MAN1A2: variants seen among roughly 807,000 people sequenced by gnomAD.
MAN1A2 encodes mannosyl-oligosaccharide 1,2-alpha-mannosidase IB.
In MAN1A2, 26 loss-of-function variants were observed where a neutral mutation model predicts 75.7. The ratio of observed to expected loss-of-function variants is 0.34; its 90% confidence interval spans 0.25 to 0.48. The LOEUF is 0.48. Ranked by LOEUF, MAN1A2 falls within the 20% of genes least tolerant of loss-of-function variation. The pLI, the probability that MAN1A2 is intolerant of heterozygous loss-of-function variation, is 0.99. For missense variants in MAN1A2, 562 were observed against 775.5 expected (o/e 0.72, Z 3.27); for synonymous variants, 247 against 264.6 (o/e 0.93, Z 0.65).
chr1:117,485,005 C>T (rs1360724104), intron 8 of MAN1A2, among the ~76,000 whole-genome samples: 2 of 151,866 alleles, frequency 1.3e-5, no homozygotes, highest in Non-Finnish European at 2.9e-5. Flanking sequence ...CCACGCAGTT[C>T]AAATCTGTGT....
intron 1 of MAN1A2, among the ~76,000 whole-genome samples, chr1:117,383,127 C>T (rs998237328): frequency 6.6e-6 from 1 of 152,182 alleles, no homozygotes; most frequent in Non-Finnish European, 1.5e-5. Context: ...AGGGGCAAAG[C>T]TTTCAGTCTT....
chr1:117,370,111 A>G (rs757618872), intron 1 of MAN1A2, among the ~76,000 whole-genome samples: 16 of 152,246 alleles, frequency 1.1e-4, no homozygotes, highest in Non-Finnish European at 1.9e-4. Flanking sequence ...TGTGCCTTTT[A>G]TTCACATTTT....
At chr1:117,398,566 T>C (rs984089598) in intron 1 of MAN1A2, among the ~76,000 whole-genome samples, 4 of 151,446 alleles carry the variant, frequency 2.6e-5, no homozygotes, top group Admixed American at 6.6e-5. Flanking sequence ...CCCAGCTTGT[T>C]GGGAGGCTGA....
intron 8 of MAN1A2, among the ~76,000 whole-genome samples, chr1:117,483,566 T>C (rs1029824876): frequency 6.6e-6 from 1 of 152,160 alleles, no homozygotes; most frequent in Non-Finnish European, 1.5e-5. Context: ...ACAGAAATGC[T>C]TGTGGTTTTT....
chr1:117,517,888 G>GA (rs1197290075), intron 12 of MAN1A2, among the ~76,000 whole-genome samples: 2 of 151,440 alleles, frequency 1.3e-5, no homozygotes, highest in African/African-American at 2.4e-5. Context: ...CAGGGGTAAA[G>GA]AAAAAAATCT....
intron 8 of MAN1A2, among the ~76,000 whole-genome samples, chr1:117,473,341 G>A (rs1650221040): frequency 6.6e-6 from 1 of 151,882 alleles, no homozygotes; most frequent in Non-Finnish European, 1.5e-5. Flanking sequence ...ACTACCCTGA[G>A]CCAAGTCACC....
chr1:117,488,306 A>G (rs1650777476), intron 8 of MAN1A2, among the ~76,000 whole-genome samples: 1 of 150,704 alleles, frequency 6.6e-6, no homozygotes, highest in South Asian at 2.1e-4. Flanking sequence ...AGGTATTCTC[A>G]TGCCTCAGCC....
chr1:117,490,882 C>A (rs1386338491), intron 8 of MAN1A2, among the ~76,000 whole-genome samples: 2 of 152,060 alleles, frequency 1.3e-5, no homozygotes, highest in Non-Finnish European at 2.9e-5. Flanking sequence ...TCAGACCAAA[C>A]CAGCTACAAC....
intron 12 of MAN1A2, among the ~76,000 whole-genome samples, chr1:117,510,724 T>A (rs567455123): frequency 6.6e-6 from 1 of 152,216 alleles, no homozygotes; most frequent in East Asian, 1.9e-4. Context: ...TGTTGTTAAG[T>A]GCCTGATGTG....
At chr1:117,391,931 T>C (rs1324084071) in intron 1 of MAN1A2, among the ~76,000 whole-genome samples, 3 of 152,186 alleles carry the variant, frequency 2.0e-5, no homozygotes, top group Non-Finnish European at 4.4e-5. Context: ...TTGCCTAAAT[T>C]TCTAGCTTTC....
intron 8 of MAN1A2, among the ~76,000 whole-genome samples, chr1:117,467,333 GA>G (rs954971660): frequency 1.3e-5 from 2 of 152,066 alleles, no homozygotes; most frequent in African/African-American, 4.8e-5. Flanking sequence ...TTTTAGTATT[GA>G]AAACACTGCT....
chr1:117,491,643 T>G (rs952927939), intron 8 of MAN1A2, among the ~76,000 whole-genome samples: 3 of 152,110 alleles, frequency 2.0e-5, no homozygotes, highest in African/African-American at 7.2e-5. Flanking sequence ...GATTGCATTT[T>G]GTAAGGCTAT....
At chr1:117,509,462 A>G (rs1217062148) in intron 12 of MAN1A2, among the ~76,000 whole-genome samples, 1 of 151,934 alleles carries the variant, frequency 6.6e-6, no homozygotes, top group African/African-American at 2.4e-5. Flanking sequence ...CGTTGTTGTT[A>G]AGGAAGCAAG....
intron 3 of MAN1A2, among the ~76,000 whole-genome samples, chr1:117,409,911 T>A (rs566159646): frequency 1.0e-3 from 157 of 152,136 alleles, no homozygotes; most frequent in African/African-American, 3.8e-3. Context: ...AGTAATACAG[T>A]TGTCCTTTGG....
At chr1:117,414,601 A>G in intron 3 of MAN1A2, 112 bp from the exon 4 acceptor site, 1 of 589,628 alleles carries the variant, frequency 1.7e-6, no homozygotes, top group Admixed American at 2.7e-5. Context: ...TTACCTTTAT[A>G]CATAAATAAT....
At chr1:117,389,131 C>T (rs1413573081) in intron 1 of MAN1A2, among the ~76,000 whole-genome samples, 6 of 152,158 alleles carry the variant, frequency 3.9e-5, no homozygotes, top group Non-Finnish European at 8.8e-5. Context: ...TCTAAAACAA[C>T]CCCCCAAAAT....
chr1:117,483,012 C>T (rs373133853), intron 8 of MAN1A2, among the ~76,000 whole-genome samples: 156 of 152,160 alleles, frequency 1.0e-3, no homozygotes, highest in Non-Finnish European at 1.8e-3. Context: ...TTCTCCATTT[C>T]TTGTTTTTGT....
At chr1:117,397,756 A>G (rs920980904) in intron 1 of MAN1A2, among the ~76,000 whole-genome samples, 1 of 150,204 alleles carries the variant, frequency 6.7e-6, no homozygotes, top group Non-Finnish European at 1.5e-5. Flanking sequence ...GGTTCAAGCA[A>G]TTCTCCTGCC....
At position 117,402,290 on chromosome 1, in the gene MAN1A2, A is replaced by T. The variant is rs776052007; in HGVS notation, c.407A>T (p.Glu136Val). ...AAGTCAAGAGAGGAAATTCGAGCAG[A>T]AATTCAGACAGAGAAAAATAAGGTA... ...LRKSREEIRA[E>V]IQTEKNKVVQ... The change falls in exon 2 of 13, where the codon GAA (glutamate) becomes GTA (valine). Residue 136 changes from glutamate to valine, a missense_variant. Physicochemically the swap from Glu to Val is moderately radical, Grantham distance 121 (BLOSUM62 -2). Around this residue, in one of 2 missense-constraint regions of MAN1A2, gnomAD observed 434 missense variants for 645.7 expected, o/e 0.67. Coordinates refer to ENST00000356554, the MANE Select transcript of MAN1A2 (RefSeq NM_006699.5). 3.7e-6 allele frequency: 6 copies of T among 1,613,926 alleles called. No homozygotes were observed. The highest frequency in any genetic ancestry group is 5.1e-6 in the Non-Finnish European group (6 of 1,179,860).
Sources: gnomAD v4.1 joint callset for allele counts (sites outside exome capture counted in the v4.1 genomes callset) on GRCh38, gnomAD v4.1.1 for gene constraint, gnomAD v4.1.1 regional missense constraint, MANE v1.5 for transcripts, NCBI Gene and HGNC (gene_info 2026-07-23, HGNC 2026-07-21) for gene names.